The following CLTA variants were observed in gnomAD, a reference collection of about 807,000 sequenced individuals.
The protein encoded by CLTA is clathrin light chain A, also known as clathrin, light polypeptide (Lca).
A neutral mutation model predicts 26.9 loss-of-function variants in CLTA; 9 were observed. The ratio of observed to expected loss-of-function variants is 0.33; its 90% CI spans 0.20 to 0.58. The LOEUF (loss-of-function observed/expected upper bound fraction) is 0.58. CLTA is among the 20% of genes least tolerant of loss of function. The pLI is 0.85. For missense variants in CLTA, 278 were observed against 294.2 expected (o/e 0.94, Z 0.40); for synonymous variants, 120 against 115.5 (o/e 1.04, Z -0.25).
intron 3 of CLTA, among the ~76,000 whole-genome samples, chr9:36,202,494 G>A (rs16933052): frequency 0.095 from 14,414 of 152,254 alleles, 926 homozygotes; most frequent in South Asian, 0.18. Flanking sequence ...GTCACGTTTT[G>A]TGATTATTTC....
chr9:36,196,614 G>C (rs1203981254), intron 1 of CLTA, among the ~76,000 whole-genome samples: 1 of 152,056 alleles, frequency 6.6e-6, no homozygotes, highest in African/African-American at 2.4e-5. Context: ...CTCTCAAAGT[G>C]CTGGGATTAT....
At chr9:36,198,307 G>A (rs1425753473) in intron 2 of CLTA, among the ~76,000 whole-genome samples, 30 of 150,424 alleles carry the variant, frequency 2.0e-4, no homozygotes, top group Admixed American at 2.0e-3. Context: ...CAGAGCCACC[G>A]CAACCTTGGC....
chr9:36,193,441 C>CA (rs1297381481), intron 1 of CLTA, among the ~76,000 whole-genome samples: 1 of 151,946 alleles, frequency 6.6e-6, no homozygotes, highest in African/African-American at 2.4e-5. Flanking sequence ...TGCCCGGCCT[C>CA]AGTTTTCTCC....
At chr9:36,210,710 C>T in intron 4 of CLTA, 1 of 1,611,152 alleles carries the variant, frequency 6.2e-7, no homozygotes, top group South Asian at 1.1e-5. Context: ...CATGAAGTCG[C>T]AGTGTTGTAG....
chr9:36,196,276 C>G (rs1431761192), intron 1 of CLTA, among the ~76,000 whole-genome samples: 1 of 135,230 alleles, frequency 7.4e-6, no homozygotes, highest in Non-Finnish European at 1.6e-5. Flanking sequence ...GAGCAAGACT[C>G]TCTCTCAAAA....
intron 3 of CLTA, among the ~76,000 whole-genome samples, chr9:36,201,647 A>T (rs1388328866): frequency 6.6e-6 from 1 of 152,212 alleles, no homozygotes; most frequent in African/African-American, 2.4e-5. Flanking sequence ...ATACTGTCCA[A>T]TCAAAAAGGT....
At chr9:36,199,167 CT>C in intron 3 of CLTA, 71 bp downstream of exon 3, 4 of 965,134 alleles carry the variant, frequency 4.1e-6, no homozygotes, top group Non-Finnish European at 5.1e-6. Flanking sequence ...ACTTTTATTC[CT>C]TTTTAGCTCA....
At position 36,211,617 on chromosome 9, in the gene CLTA, C is replaced by T; in HGVS notation, c.500C>T (p.Ala167Val). ...TKANNRAAEE[A>V]FVNDIDESSP... ...GTTGCTTCCAGGGCAGCAGAAGAAG[C>T]CTTTGTAAATGACATTGACGAGTCG... Residue 167 changes from alanine (A) to valine (V), a missense_variant, in exon 5 of 5, where the codon GCC (alanine) becomes GTC (valine). Coordinates refer to ENST00000345519, the MANE Select transcript of CLTA (RefSeq NM_001833.4). 1.2e-6 allele frequency: 2 copies of T among 1,612,238 alleles called. No individual in the cohort carries two copies. Among genetic ancestry groups the T allele is most frequent in the Non-Finnish European group, 1.7e-6 (2 of 1,178,656 alleles).
intron 1 of CLTA, among the ~76,000 whole-genome samples, chr9:36,197,003 C>G (rs1827090616): frequency 6.6e-6 from 1 of 152,114 alleles, no homozygotes; most frequent in African/African-American, 2.4e-5. Context: ...GCGAAACCCC[C>G]TTCCTACAAA....
chr9:36,197,755 T>C (rs959106883), intron 2 of CLTA, among the ~76,000 whole-genome samples, 167 bp downstream of exon 2: 2 of 152,220 alleles, frequency 1.3e-5, no homozygotes, highest in Non-Finnish European at 2.9e-5. Flanking sequence ...GAGGTAGCAT[T>C]GATAAAAAGA....
chr9:36,204,145 G>A lies in CLTA; in HGVS notation c.451G>A (p.Asp151Asn), dbSNP rs1310991699. The change falls in exon 4 of 5, where the codon GAC becomes AAC. Residue 151 changes from aspartate to asparagine, a missense_variant. By Grantham distance (23) the Asp-to-Asn change is conservative (BLOSUM62 1). Transcript: ENST00000345519. ...KELEEWYARQ[D>N]EQLQKTKANN... ...GCTAGAAGAATGGTATGCAAGACAG[G>A]ACGAGCAGCTACAGAAAACAAAAGC... 2 of 1,614,106 alleles carry A rather than the reference G, an allele frequency of 1.2e-6. No individual in the cohort carries two copies. Among genetic ancestry groups the A allele is most frequent in the Admixed American group, 1.7e-5 (1 of 60,026 alleles).
chr9:36,207,733 A>G lies in CLTA; in HGVS notation c.485+3554A>G, dbSNP rs7851288. Among the ~76,000 whole-genome samples, 1,398 of 152,350 alleles carry G rather than the reference A, an allele frequency of 9.2e-3. 21 individuals carry two copies. Among genetic ancestry groups the G allele is most frequent in the African/African-American group, 0.032 (1,321 of 41,568 alleles). ...CTCTTTGGTCTTGGGCTAGCTGCAA[A>G]GGAGCAAGAGCCTGACATTCAAACT... is the stretch of plus-strand genomic sequence containing the variant. On this transcript the variant is annotated intron_variant, in intron 4 of 4. Coordinates refer to ENST00000345519, the MANE Select transcript of CLTA (RefSeq NM_001833.4).
At chr9:36,194,635 A>C (rs1484654950) in intron 1 of CLTA, among the ~76,000 whole-genome samples, 1 of 152,154 alleles carries the variant, frequency 6.6e-6, no homozygotes, top group Non-Finnish European at 1.5e-5. Context: ...CTTGACTTCA[A>C]ATGTTTCTGG....
intron 4 of CLTA, among the ~76,000 whole-genome samples, chr9:36,209,733 TAGG>T (rs747290496): frequency 6.6e-6 from 1 of 152,140 alleles, no homozygotes; most frequent in Non-Finnish European, 1.5e-5. Flanking sequence ...CCCAGGAGGT[TAGG>T]AGCCAGTGAG....
chr9:36,199,788 G>T (rs370231717), intron 3 of CLTA, among the ~76,000 whole-genome samples: 3 of 152,272 alleles, frequency 2.0e-5, no homozygotes, highest in East Asian at 3.9e-4. Context: ...TGAATTTAAA[G>T]TAACACGAGG....
chr9:36,205,763 T>G lies in CLTA; in HGVS notation c.485+1584T>G, dbSNP rs921079367. On this transcript the variant is annotated intron_variant, in intron 4 of 4. Transcript: ENST00000345519. ...AGGGAGTAATGACACCTGTTTTTTT[T>G]TTTTTTTTTTTTTTGAGATGGAGTC... Among the ~76,000 whole-genome samples, 35 of 139,656 alleles carry G rather than the reference T, an allele frequency of 2.5e-4. 1 individual carries two copies. The highest frequency in any genetic ancestry group is 2.4e-4 in the Non-Finnish European group (15 of 62,426). The allele number at this position is 139,656 out of a possible 152,430, so 91.6% of individuals were successfully genotyped here.
chr9:36,199,530 A>G (rs1827276860), intron 3 of CLTA, among the ~76,000 whole-genome samples: 1 of 150,572 alleles, frequency 6.6e-6, no homozygotes, highest in South Asian at 2.1e-4. Context: ...GCTCATTGCA[A>G]GCTCTGCCTC....
chr9:36,191,392 C>T, intron 1 of CLTA, 119 bp downstream of exon 1: 20 of 1,205,376 alleles, frequency 1.7e-5, no homozygotes, highest in Non-Finnish European at 2.1e-5. Flanking sequence ...GGGAGCAGTG[C>T]AAACAGGAAA....
intron 1 of CLTA, 78 bp from the exon 2 acceptor site, chr9:36,197,473 G>A (rs1430791123): frequency 1.1e-6 from 1 of 939,442 alleles, no homozygotes; most frequent in Non-Finnish European, 1.7e-6. Context: ...AGCATATGAT[G>A]CTGTATTCTA....
Sources: gnomAD v4.1 joint callset for allele counts (sites outside exome capture counted in the v4.1 genomes callset) on GRCh38, gnomAD v4.1.1 for gene constraint, MANE v1.5 for transcripts, NCBI Gene and HGNC (gene_info 2026-07-23, HGNC 2026-07-21) for gene names.